KIZ: variants seen among roughly 807,000 people sequenced by gnomAD.
The protein encoded by KIZ is kizuna centrosomal protein, also known as centrosomal protein kizuna.
In KIZ, 68 loss-of-function variants were observed where a neutral mutation model predicts 79.6. The ratio of observed to expected loss-of-function variants is 0.85; its 90% CI spans 0.70 to 1.05. The LOEUF is 1.05. Ranked by LOEUF, KIZ falls within the 50% of genes least tolerant of loss-of-function variation. The pLI is 0.00. For missense variants in KIZ, 797 were observed against 800.4 expected, an observed-to-expected ratio of 1.00 and a Z score of 0.05; for synonymous variants, 280 against 281.8, an observed-to-expected ratio of 0.99 and a Z score of 0.06.
chr20:21,138,147 G>A (rs891522983), intron 3 of KIZ, among the ~76,000 whole-genome samples: 33 of 152,286 alleles, frequency 2.2e-4, no homozygotes, highest in African/African-American at 7.9e-4. Context: ...CAGACTAGGA[G>A]CCAACTAGGG....
chr20:21,165,556 A>T (rs1250910773), intron 6 of KIZ, among the ~76,000 whole-genome samples: 1 of 152,208 alleles, frequency 6.6e-6, no homozygotes, highest in African/African-American at 2.4e-5. Context: ...ATTTAGGAGG[A>T]TTAACCTGAC....
At chr20:21,131,361 C>A (rs1439941347) in intron 1 of KIZ, among the ~76,000 whole-genome samples, 1 of 152,192 alleles carries the variant, frequency 6.6e-6, no homozygotes, top group Non-Finnish European at 1.5e-5. Context: ...AATAATGACA[C>A]CATTACAGAG....
Position 21,162,066 on chromosome 20 carries a change from A to G in KIZ, c.601A>G (p.Ser201Gly). 1 of 1,613,920 alleles carries G rather than the reference A, an allele frequency of 6.2e-7. No individual in the cohort carries two copies. The highest frequency in any genetic ancestry group is 8.5e-7 in the Non-Finnish European group (1 of 1,179,806). Residue 201 changes from serine to glycine, a missense_variant, in exon 5 of 13, where the codon AGT becomes GGT. Physicochemically the swap from Ser to Gly is moderately conservative, Grantham distance 56. Coordinates refer to ENST00000619189, the MANE Select transcript of KIZ (RefSeq NM_018474.6). ...TTCACACCGACAGACAGCCCAGAGC[A>G]GTAATGTGACAGACAGCTGTGTAGT... ...PHSHRQTAQS[S>G]NVTDSCVVQT...
At chr20:21,206,349 T>C (rs569184320) in intron 7 of KIZ, among the ~76,000 whole-genome samples, 1 of 152,110 alleles carries the variant, frequency 6.6e-6, no homozygotes, top group Non-Finnish European at 1.5e-5. Context: ...AAATGTGGGC[T>C]TTCAGGAAAG....
intron 6 of KIZ, among the ~76,000 whole-genome samples, chr20:21,176,728 G>A (rs572475017): frequency 1.4e-3 from 219 of 152,250 alleles, no homozygotes; most frequent in Non-Finnish European, 2.7e-3. Context: ...AGAGGACAAC[G>A]TGCAAGAAAG....
rs575238049 is a variant in KIZ at position 21,166,453 on chromosome 20, G to A, written c.1352+3294G>A. On this transcript the variant is annotated intron_variant, in intron 6 of 12. Coordinates refer to ENST00000619189, the MANE Select transcript of KIZ (RefSeq NM_018474.6). ...TGTGGTCATCAATGATTTCAAATTC[G>A]CCAGTGTAACCATGCTTCATCATCA... The A allele has an allele frequency of 2.3e-5, 36 of 1,586,724 alleles. No homozygotes were observed. In the Admixed American group the frequency reaches 2.7e-4, roughly 12 times the overall value.
chr20:21,243,215 T>C (rs1199271107), intron 11 of KIZ, among the ~76,000 whole-genome samples: 2 of 151,662 alleles, frequency 1.3e-5, no homozygotes. Flanking sequence ...TGAGCACTAC[T>C]CAGTCATGGC....
chr20:21,235,019 T>C (rs1717454980), intron 11 of KIZ, among the ~76,000 whole-genome samples: 3 of 152,192 alleles, frequency 2.0e-5, no homozygotes, highest in Admixed American at 1.3e-4. Context: ...AGATACATTG[T>C]GCAAATGTTG....
At chr20:21,134,388 T>C (rs1433001245) in intron 2 of KIZ, among the ~76,000 whole-genome samples, 1 of 152,076 alleles carries the variant, frequency 6.6e-6, no homozygotes, top group Non-Finnish European at 1.5e-5. Flanking sequence ...CCGGTGACCT[T>C]GGGGCAATTA....
chr20:21,144,953 A>G (rs879362890), intron 3 of KIZ, among the ~76,000 whole-genome samples: 1 of 152,170 alleles, frequency 6.6e-6, no homozygotes, highest in Non-Finnish European at 1.5e-5. Context: ...ACTTTCACCA[A>G]TTATAGTGTG....
chr20:21,238,794 C>T (rs572925037), intron 11 of KIZ, among the ~76,000 whole-genome samples: 2 of 152,226 alleles, frequency 1.3e-5, no homozygotes, highest in Non-Finnish European at 2.9e-5. Flanking sequence ...AGCCCCAGCA[C>T]AGAGTCCGAT....
intron 6 of KIZ, among the ~76,000 whole-genome samples, chr20:21,186,786 G>A (rs2034891339): frequency 6.6e-6 from 1 of 151,984 alleles, no homozygotes; most frequent in African/African-American, 2.4e-5. Flanking sequence ...AGCTTTTGTT[G>A]TTTTCTTGCT....
chr20:21,221,096 C>G (rs534784394), intron 9 of KIZ, among the ~76,000 whole-genome samples: 1 of 152,252 alleles, frequency 6.6e-6, no homozygotes, highest in African/African-American at 2.4e-5. Flanking sequence ...GCCTGAAACA[C>G]TCAGGCCATG....
At chr20:21,238,232 T>A (rs972359604) in intron 11 of KIZ, among the ~76,000 whole-genome samples, 6 of 151,648 alleles carry the variant, frequency 4.0e-5, no homozygotes, top group East Asian at 1.9e-4. Context: ...TTTTTTTTTT[T>A]AAATAAAAGT....
intron 7 of KIZ, among the ~76,000 whole-genome samples, chr20:21,206,447 A>T (rs901100119): frequency 6.6e-6 from 1 of 152,070 alleles, no homozygotes; most frequent in South Asian, 2.1e-4. Flanking sequence ...TCTTTAAAAG[A>T]TAGGCTTTTG....
At chr20:21,195,751 A>G (rs960557497) in intron 6 of KIZ, 3 of 152,168 alleles carry the variant, frequency 2.0e-5, no homozygotes, top group African/African-American at 7.2e-5. Flanking sequence ...AAAACTTGCA[A>G]TTATAAACTT....
intron 2 of KIZ, among the ~76,000 whole-genome samples, chr20:21,134,607 A>G (rs966447724): frequency 6.8e-6 from 1 of 147,056 alleles, no homozygotes; most frequent in African/African-American, 2.5e-5. Context: ...TTTTCCCCTC[A>G]TCTTTTCATT....
chr20:21,138,762 C>T (rs1333367911), intron 3 of KIZ, among the ~76,000 whole-genome samples: 1 of 151,968 alleles, frequency 6.6e-6, no homozygotes, highest in Non-Finnish European at 1.5e-5. Context: ...CCTTAGTATC[C>T]TTTTACCTAA....
At chr20:21,126,881 C>G (rs1398075574) in intron 1 of KIZ, among the ~76,000 whole-genome samples, 1 of 152,126 alleles carries the variant, frequency 6.6e-6, no homozygotes, top group East Asian at 1.9e-4. Context: ...TATGAATAAC[C>G]ACGTAAAAGA....
Sources: gnomAD v4.1 joint callset for allele counts (sites outside exome capture counted in the v4.1 genomes callset) on GRCh38, gnomAD v4.1.1 for gene constraint, MANE v1.5 for transcripts, NCBI Gene and HGNC (gene_info 2026-07-23, HGNC 2026-07-21) for gene names.